The following RAD54L2 variants were observed in gnomAD, a reference collection of about 807,000 sequenced individuals.
The protein encoded by RAD54L2 is helicase ARIP4.
Under a neutral mutation model 138.4 loss-of-function variants are expected in RAD54L2, and 27 were observed. The ratio of observed to expected loss-of-function variants is 0.20; its 90% CI spans 0.14 to 0.27. The LOEUF (loss-of-function observed/expected upper bound fraction) is 0.27. Among genes scored for constraint, RAD54L2 ranks in the 10% least tolerant of loss-of-function variants. The pLI is 1.00. For synonymous variants in RAD54L2, 644 were observed against 723.2 expected, an observed-to-expected ratio of 0.89 and a Z score of 1.76; for missense variants, 1,396 against 1,890.2, an observed-to-expected ratio of 0.74 and a Z score of 4.85.
chr3:51,666,614 T>A lies in RAD54L2; in HGVS notation c.*3194T>A, dbSNP rs941659331. The A allele has an allele frequency of 4.6e-5, 7 of 152,220 alleles. No individual in the cohort carries two copies. Among genetic ancestry groups the A allele is most frequent in the Non-Finnish European group, 1.0e-4 (7 of 68,030 alleles). The allele number at this position is 152,220 out of a possible 1,614,324, so 9.4% of individuals were successfully genotyped here. A position where few individuals can be genotyped will look rare whatever the true frequency, so the allele number is the denominator to read the frequency against. On this transcript the variant is annotated 3_prime_UTR_variant, in exon 23 of 23. Transcript: ENST00000684192. ...TGCTTGATTTCCTTTTCTTAATATA[T>A]TTGTAGATAAAAATTGAACAGGGAC...
intron 2 of RAD54L2, among the ~76,000 whole-genome samples, chr3:51,583,781 C>G (rs1377619186): frequency 6.6e-6 from 1 of 151,726 alleles, no homozygotes; most frequent in Non-Finnish European, 1.5e-5. Flanking sequence ...AAAAAGTTAC[C>G]TCGAGGAATT....
chr3:51,552,625 G>A (rs1698868006), intron 2 of RAD54L2, among the ~76,000 whole-genome samples: 1 of 142,382 alleles, frequency 7.0e-6, no homozygotes, highest in Non-Finnish European at 1.5e-5. Context: ...TTGGAGTGCA[G>A]TGGCACGATG....
In RAD54L2 at chr3:51,662,877, G is replaced by C. The variant is rs1214568420; in HGVS notation, c.3861G>C (p.Gly1287=). The C allele has an allele frequency of 1.9e-6, 3 of 1,613,628 alleles. No individual in the cohort carries two copies. Among genetic ancestry groups the C allele is most frequent in the East Asian group, 2.2e-5 (1 of 44,882 alleles). The change falls in exon 23 of 23, where the codon GGG becomes GGC. Residue 1287 remains glycine (G), a synonymous_variant. Transcript: ENST00000684192. This position sits in a 1 kb window ranked among gnomAD's most constrained non-coding sequence, Gnocchi z 4.6. ...CCCCCGTGCAGCCGTATGAACACGGGTATCCAGTCTCTGGCGGGTTTGCCA... is the reference window on the plus strand; with the variant it reads ...CCCCCGTGCAGCCGTATGAACACGGCTATCCAGTCTCTGGCGGGTTTGCCA... The part of the protein sequence containing the change: ...LPAPVQPYEH[G]YPVSGGFAMP...
chr3:51,631,527 A>C (rs1176734587), intron 7 of RAD54L2, among the ~76,000 whole-genome samples: 2 of 105,848 alleles, frequency 1.9e-5, no homozygotes, highest in Non-Finnish European at 3.6e-5. Context: ...TTTTTTTTGT[A>C]GAGATGAGGT....
At chr3:51,639,697 C>T (rs1443612176) in intron 13 of RAD54L2, 27 bp downstream of exon 13, 1 of 1,610,816 alleles carries the variant, frequency 6.2e-7, no homozygotes, top group South Asian at 1.1e-5. Flanking sequence ...CTTCAGGAAC[C>T]ATAAACTATT....
intron 2 of RAD54L2, among the ~76,000 whole-genome samples, chr3:51,586,375 C>T (rs954967287): frequency 2.0e-5 from 3 of 151,854 alleles, no homozygotes; most frequent in African/African-American, 4.8e-5. Flanking sequence ...ACCATGGCCT[C>T]CCAAAGTGCT....
At chr3:51,625,753 C>G (rs1055191671) in intron 3 of RAD54L2, among the ~76,000 whole-genome samples, 1 of 151,914 alleles carries the variant, frequency 6.6e-6, no homozygotes, top group African/African-American at 2.4e-5. Context: ...TCCCAGCTAC[C>G]TGAGAGGCTG....
chr3:51,661,085 C>T (rs1316572081), intron 22 of RAD54L2, among the ~76,000 whole-genome samples: 1 of 151,980 alleles, frequency 6.6e-6, no homozygotes, highest in Admixed American at 6.6e-5. Context: ...TCCCGATTAG[C>T]TGATTAGCTG....
Position 51,638,311 on chromosome 3 carries a change from T to C in RAD54L2, c.1850T>C (p.Val617Ala). ...LGLNPLKAFC[V>A]CCKIWNHPDV... ...CTGAACCCCCTTAAGGCATTCTGTG[T>C]GTGTTGCAAGGTGCATTGGGGCCTC... The change falls in exon 12 of 23, where the codon GTG becomes GCG. Residue 617 changes from valine (V) to alanine (A), a missense_variant. Physicochemically the swap from Val to Ala is moderately conservative, Grantham distance 64. Coordinates refer to ENST00000684192, the MANE Select transcript of RAD54L2 (RefSeq NM_015106.4). The surrounding 1 kb of genome is among the most constrained non-coding windows in gnomAD (Gnocchi z 4.3). The C allele has an allele frequency of 6.2e-7, 1 of 1,613,816 alleles. No individual in the cohort carries two copies.
chr3:51,590,300 T>A, intron 2 of RAD54L2, 67 bp from the exon 3 acceptor site: 1 of 1,237,448 alleles, frequency 8.1e-7, no homozygotes. Flanking sequence ...TAGCATTTTT[T>A]TCTTTGAAAG....
At chr3:51,549,290 G>A (rs138026754) in intron 2 of RAD54L2, among the ~76,000 whole-genome samples, 360 of 152,132 alleles carry the variant, frequency 2.4e-3, no homozygotes, top group Non-Finnish European at 3.9e-3. Context: ...CACCACTCCC[G>A]GCCTAGCAGC....
At chr3:51,560,027 G>T (rs1395110478) in intron 2 of RAD54L2, among the ~76,000 whole-genome samples, 1 of 152,192 alleles carries the variant, frequency 6.6e-6, no homozygotes, top group African/African-American at 2.4e-5. Flanking sequence ...ACAGAGCTGT[G>T]GATGCCATTA....
chr3:51,643,313 G>A (rs758736911), intron 15 of RAD54L2, among the ~76,000 whole-genome samples: 15 of 152,196 alleles, frequency 9.9e-5, no homozygotes, highest in Non-Finnish European at 2.1e-4. Flanking sequence ...GATTACAGGC[G>A]TGAGCCACTG....
At chr3:51,591,621 G>A (rs2106712898) in intron 3 of RAD54L2, among the ~76,000 whole-genome samples, 2 of 152,304 alleles carry the variant, frequency 1.3e-5, no homozygotes, top group South Asian at 2.1e-4. Context: ...CCCTCCAGTA[G>A]CATTTGCTGT....
chr3:51,562,201 A>G (rs1362754014), intron 2 of RAD54L2, among the ~76,000 whole-genome samples: 11 of 150,880 alleles, frequency 7.3e-5, no homozygotes, highest in Admixed American at 6.6e-4. Flanking sequence ...ACACCCAGCT[A>G]ATTTTTGTAT....
chr3:51,662,483 C>A lies in RAD54L2; in HGVS notation c.3467C>A (p.Pro1156His), dbSNP rs765921167. The change falls in exon 23 of 23, where the codon CCC becomes CAC. Residue 1156 changes from proline (P) to histidine (H), a missense_variant. By Grantham distance (77) the Pro-to-His change is moderately conservative. Transcript: ENST00000684192. This position sits in a 1 kb window ranked among gnomAD's most constrained non-coding sequence, Gnocchi z 4.6. ...AACGGCAGACACAGTGCCTCATCAC[C>A]CAAAGCCCCCGACCCTGAGGGGCTG... is the stretch of plus-strand genomic sequence containing the variant. ...TSNGRHSASSPKAPDPEGLAR... is the reference protein window; with the variant it reads ...TSNGRHSASSHKAPDPEGLAR... 6.3e-7 allele frequency: 1 copy of A among 1,593,272 alleles called. No homozygotes were observed. The highest frequency in any genetic ancestry group is 8.5e-7 in the Non-Finnish European group (1 of 1,170,418).
chr3:51,556,645 C>T (rs1009257243), intron 2 of RAD54L2, among the ~76,000 whole-genome samples: 2 of 151,842 alleles, frequency 1.3e-5, no homozygotes, highest in African/African-American at 2.4e-5. Context: ...GGCATGATCT[C>T]GGCTCATTGC....
At chr3:51,628,733 T>C (rs999380640) in intron 4 of RAD54L2, among the ~76,000 whole-genome samples, 1 of 151,894 alleles carries the variant, frequency 6.6e-6, no homozygotes, top group African/African-American at 2.4e-5. Flanking sequence ...TTTTTTTTCT[T>C]GAGATGAAGC....
intron 3 of RAD54L2, among the ~76,000 whole-genome samples, chr3:51,626,589 C>T (rs950800628): frequency 4.6e-5 from 7 of 151,216 alleles, no homozygotes; most frequent in Non-Finnish European, 8.8e-5. Context: ...GGATTACAGG[C>T]GCCCGCCACC....
Sources: gnomAD v4.1 joint callset for allele counts (sites outside exome capture counted in the v4.1 genomes callset) on GRCh38, gnomAD v4.1.1 for gene constraint, Gnocchi (gnomAD v3.1) non-coding constraint, MANE v1.5 for transcripts, NCBI Gene and HGNC (gene_info 2026-07-23, HGNC 2026-07-21) for gene names.